Variants in RAPGEF2 observed in about 807,000 individuals in gnomAD.
RAPGEF2 encodes the protein PDZ domain containing guanine nucleotide exchange factor (GEF) 1.
RAPGEF2 carries 54 observed loss-of-function variants against 186.7 expected under a neutral mutation model. The observed-to-expected ratio is 0.29, with a 90% CI of 0.23 to 0.36. The LOEUF (loss-of-function observed/expected upper bound fraction) is 0.36. Ranked by LOEUF, RAPGEF2 falls within the 10% of genes least tolerant of loss-of-function variation. The probability of loss-of-function intolerance (pLI) is 1.00; values close to 1 mark genes in which losing one functional copy is unlikely to be tolerated. For synonymous variants in RAPGEF2, 712 were observed against 705.9 expected, an observed-to-expected ratio of 1.01 and a Z score of -0.14; for missense variants, 1,532 against 2,045.0, an observed-to-expected ratio of 0.75 and a Z score of 4.84.
At chr4:159,351,034 A>G (rs758707669) in intron 26 of RAPGEF2, 2 of 1,521,954 alleles carry the variant, frequency 1.3e-6, no homozygotes, top group South Asian at 2.4e-5. Context: ...GATGCATCTC[A>G]ATTCTTTTCT....
intron 1 of RAPGEF2, among the ~76,000 whole-genome samples, chr4:159,117,652 A>G (rs1463800892): frequency 6.6e-6 from 1 of 150,628 alleles, no homozygotes; most frequent in Non-Finnish European, 1.5e-5. Flanking sequence ...ACTTGTTTTG[A>G]GTTTAGTGTA....
intron 7 of RAPGEF2, among the ~76,000 whole-genome samples, chr4:159,246,245 A>C (rs969882779): frequency 6.6e-6 from 1 of 152,156 alleles, no homozygotes; most frequent in Non-Finnish European, 1.5e-5. Flanking sequence ...ATAACATGCA[A>C]AAGTAATGGA....
intron 1 of RAPGEF2, among the ~76,000 whole-genome samples, chr4:159,149,303 C>T (rs1743281092): frequency 6.6e-6 from 1 of 152,098 alleles, no homozygotes; most frequent in Admixed American, 6.6e-5. Context: ...CCCTCTTGCC[C>T]AGGCTGGAGT....
intron 29 of RAPGEF2, among the ~76,000 whole-genome samples, chr4:159,356,550 A>T (rs996541548): frequency 3.3e-5 from 5 of 152,178 alleles, no homozygotes; most frequent in Non-Finnish European, 5.9e-5. Flanking sequence ...TGTTTATATG[A>T]CTTGATTTCT....
At chr4:159,339,064 C>T in intron 18 of RAPGEF2, 50 bp from the exon 19 acceptor site, 1 of 1,574,368 alleles carries the variant, frequency 6.4e-7, no homozygotes, top group Non-Finnish European at 8.6e-7. Flanking sequence ...ATTGCATTGC[C>T]ATATATTAAA....
At position 159,339,330 on chromosome 4, in the gene RAPGEF2, C is replaced by T; in HGVS notation, c.2510C>T (p.Ala837Val). 2 of 1,614,066 alleles carry T rather than the reference C, an allele frequency of 1.2e-6. No homozygotes were observed. The highest frequency in any genetic ancestry group is 1.1e-5 in the South Asian group (1 of 91,080). The change falls in exon 19 of 30, where the codon GCA becomes GTA. Residue 837 changes from alanine to valine, a missense_variant. By Grantham distance (64) the Ala-to-Val change is moderately conservative. Transcript: ENST00000691494. ...RRLPDQLSKL[A>V]DRIQLSGRYY... The stretch of plus-strand genomic sequence containing the variant: ...CTTCCAGATCAGCTTTCCAAACTTG[C>T]AGACAGAATACAACTGAGTGGAAGG...
chr4:159,179,653 A>G (rs754509674), intron 1 of RAPGEF2, among the ~76,000 whole-genome samples: 9 of 152,188 alleles, frequency 5.9e-5, no homozygotes, highest in Non-Finnish European at 1.3e-4. Flanking sequence ...AGAAAAGCCA[A>G]CAACTAAGGG....
intron 1 of RAPGEF2, among the ~76,000 whole-genome samples, chr4:159,181,575 C>CTTTTTT (rs531646826): frequency 5.8e-5 from 7 of 121,374 alleles, no homozygotes; most frequent in South Asian, 2.6e-4. Context: ...GGAAGACAGT[C>CTTTTTT]TTTTTTTTTT....
chr4:159,348,179 T>G (rs1313845396), intron 25 of RAPGEF2, among the ~76,000 whole-genome samples: 1 of 150,508 alleles, frequency 6.6e-6, no homozygotes, highest in Admixed American at 6.6e-5. Flanking sequence ...CGGGATTGCA[T>G]CACTGCACTC....
chr4:159,275,578 A>G (rs2110851492), intron 7 of RAPGEF2, among the ~76,000 whole-genome samples: 1 of 152,268 alleles, frequency 6.6e-6, no homozygotes, highest in Middle Eastern at 3.4e-3. Context: ...GTAGAAAAAA[A>G]CTAGAATTAA....
intron 3 of RAPGEF2, among the ~76,000 whole-genome samples, chr4:159,209,639 A>G (rs1463480553): frequency 6.6e-6 from 1 of 152,216 alleles, no homozygotes; most frequent in East Asian, 1.9e-4. Flanking sequence ...TATTTGTTAA[A>G]TTATAACAAA....
chr4:159,341,469 C>T (rs1286251261), intron 19 of RAPGEF2, 95 bp from the exon 20 acceptor site: 4 of 1,320,146 alleles, frequency 3.0e-6, no homozygotes, highest in Non-Finnish European at 4.1e-6. Context: ...TCAGTGCTCT[C>T]TCAAACTTTC....
At chr4:159,321,725 A>G (rs955712325) in intron 9 of RAPGEF2, among the ~76,000 whole-genome samples, 45 of 152,200 alleles carry the variant, frequency 3.0e-4, no homozygotes, top group African/African-American at 1.1e-3. Flanking sequence ...AACCCTACCA[A>G]AGTGTAAGCT....
At chr4:159,249,071 T>A (rs996562224) in intron 7 of RAPGEF2, among the ~76,000 whole-genome samples, 3 of 152,222 alleles carry the variant, frequency 2.0e-5, no homozygotes, top group Non-Finnish European at 4.4e-5. Context: ...GATTTATTTG[T>A]CGAAAAGATC....
chr4:159,352,665 C>G lies in RAPGEF2; in HGVS notation c.3866-20C>G, dbSNP rs372210122. On this transcript the variant is annotated intron_variant, in intron 26 of 29. Coordinates refer to ENST00000691494, the MANE Select transcript of RAPGEF2 (RefSeq NM_001394067.2). Reference sequence around the variant, plus strand: ...ATAAACCTAGAGAGTCTAATTAATACGGTTGTATTTCTCATGCAGGCTATA... The same window carrying G: ...ATAAACCTAGAGAGTCTAATTAATAGGGTTGTATTTCTCATGCAGGCTATA... 1.9e-6 allele frequency: 3 copies of G among 1,567,166 alleles called. No homozygotes were observed. Among genetic ancestry groups the G allele is most frequent in the Non-Finnish European group, 1.8e-6 (2 of 1,137,570 alleles).
At chr4:159,330,077 T>C (rs1163199372) in intron 12 of RAPGEF2, 67 bp downstream of exon 12, 4 of 1,518,862 alleles carry the variant, frequency 2.6e-6, no homozygotes, top group Non-Finnish European at 2.7e-6. Flanking sequence ...TGTGGCAGTT[T>C]AGGATTTTTT....
chr4:159,120,746 T>C (rs924933954), intron 1 of RAPGEF2, among the ~76,000 whole-genome samples: 9 of 152,232 alleles, frequency 5.9e-5, no homozygotes, highest in African/African-American at 1.9e-4. Context: ...AAGTTAGGAC[T>C]CGGTTTTTCT....
chr4:159,165,191 T>C (rs1366933777), intron 1 of RAPGEF2, among the ~76,000 whole-genome samples: 2 of 152,270 alleles, frequency 1.3e-5, no homozygotes, highest in East Asian at 3.9e-4. Flanking sequence ...TGTTGAACTG[T>C]TATGGGCTCT....
At chr4:159,290,110 G>C (rs1760999815) in intron 7 of RAPGEF2, among the ~76,000 whole-genome samples, 1 of 152,126 alleles carries the variant, frequency 6.6e-6, no homozygotes. Context: ...ATGAAGAAGA[G>C]GGTGTTACAA....
Sources: gnomAD v4.1 joint callset for allele counts (sites outside exome capture counted in the v4.1 genomes callset) on GRCh38, gnomAD v4.1.1 for gene constraint, MANE v1.5 for transcripts, NCBI Gene and HGNC (gene_info 2026-07-23, HGNC 2026-07-21) for gene names.